AMPH: variants seen among roughly 807,000 people sequenced by gnomAD.
AMPH encodes the protein amphiphysin (Stiff-Mann syndrome with breast cancer 128kD autoantigen).
Under a neutral mutation model 99.1 loss-of-function variants are expected in AMPH, and 49 were observed. The observed-to-expected ratio is 0.49, with a 90% CI of 0.39 to 0.63. The LOEUF is 0.63. Ranked by LOEUF, AMPH falls within the 20% of genes least tolerant of loss-of-function variation. The pLI is 0.00. For synonymous variants in AMPH, 314 were observed against 317.3 expected (o/e 0.99, Z 0.11); for missense variants, 759 against 863.4 (o/e 0.88, Z 1.52).
At chr7:38,517,996 T>C (rs2129033101) in intron 2 of AMPH, among the ~76,000 whole-genome samples, 1 of 152,280 alleles carries the variant, frequency 6.6e-6, no homozygotes, top group Admixed American at 6.5e-5. Context: ...TGGGGCACCC[T>C]CCACCCTCCA....
At chr7:38,512,672 C>A (rs1181888438) in intron 2 of AMPH, among the ~76,000 whole-genome samples, 1 of 152,128 alleles carries the variant, frequency 6.6e-6, no homozygotes, top group Non-Finnish European at 1.5e-5. Context: ...ATTTCTTAAA[C>A]TGGGGACAGG....
chr7:38,545,619 C>T (rs978250177), intron 1 of AMPH, among the ~76,000 whole-genome samples: 6 of 152,138 alleles, frequency 3.9e-5, no homozygotes, highest in Non-Finnish European at 8.8e-5. Context: ...CTCACAAACA[C>T]ATCATAAATG....
chr7:38,568,142 G>C (rs1791812203), intron 1 of AMPH, among the ~76,000 whole-genome samples: 1 of 152,082 alleles, frequency 6.6e-6, no homozygotes, highest in Non-Finnish European at 1.5e-5. Context: ...TACTGTTGGG[G>C]TATTACGTGC....
chr7:38,492,357 C>T (rs190501183), intron 4 of AMPH, among the ~76,000 whole-genome samples: 3 of 152,280 alleles, frequency 2.0e-5, no homozygotes, highest in Admixed American at 6.5e-5. Flanking sequence ...TCACCTTGCC[C>T]GTGAAGGCAT....
intron 18 of AMPH, among the ~76,000 whole-genome samples, chr7:38,393,797 G>C (rs1395002371): frequency 6.6e-6 from 1 of 152,192 alleles, no homozygotes; most frequent in African/African-American, 2.4e-5. Context: ...CACAGGCCCT[G>C]AGGGCCTATA....
intron 3 of AMPH, among the ~76,000 whole-genome samples, chr7:38,499,254 C>T (rs953167677): frequency 7.9e-5 from 12 of 152,206 alleles, no homozygotes; most frequent in African/African-American, 2.9e-4. Flanking sequence ...TTCATCTCTG[C>T]ATCTCCCTCT....
chr7:38,406,608 C>A (rs897041965), intron 17 of AMPH, among the ~76,000 whole-genome samples: 5 of 151,856 alleles, frequency 3.3e-5, no homozygotes, highest in African/African-American at 7.3e-5. Flanking sequence ...GAGAGGAAGA[C>A]CCCTCCTCAA....
At chr7:38,474,100 G>A (rs1787994879) in intron 7 of AMPH, among the ~76,000 whole-genome samples, 1 of 152,004 alleles carries the variant, frequency 6.6e-6, no homozygotes, top group Middle Eastern at 3.2e-3. Context: ...GGGTTAGGGT[G>A]GGGACAGTGG....
chr7:38,564,992 C>T (rs180748651), intron 1 of AMPH, among the ~76,000 whole-genome samples: 4,048 of 151,676 alleles, frequency 0.027, 159 homozygotes, highest in African/African-American at 0.093. Context: ...GGCGTGGTGG[C>T]GGGTGCCTGT....
At chr7:38,630,575 T>C (rs1432071964) in intron 1 of AMPH, among the ~76,000 whole-genome samples, 3 of 152,204 alleles carry the variant, frequency 2.0e-5, no homozygotes, top group Non-Finnish European at 4.4e-5. Context: ...AAAGGAACTA[T>C]TAGGTTCAGG....
At chr7:38,619,989 A>G (rs1208494622) in intron 1 of AMPH, among the ~76,000 whole-genome samples, 3 of 152,170 alleles carry the variant, frequency 2.0e-5, no homozygotes, top group Non-Finnish European at 4.4e-5. Flanking sequence ...CTGTTCTTCA[A>G]CATCCTAGGA....
At chr7:38,614,561 C>T (rs1451135684) in intron 1 of AMPH, among the ~76,000 whole-genome samples, 1 of 152,166 alleles carries the variant, frequency 6.6e-6, no homozygotes, top group Non-Finnish European at 1.5e-5. Flanking sequence ...TGCATCCAGG[C>T]TTTGCTCTCA....
At chr7:38,407,048 C>CTCTCTCTATA (rs1241166935) in intron 17 of AMPH, among the ~76,000 whole-genome samples, 4 of 31,254 alleles carry the variant, frequency 1.3e-4, no homozygotes, top group South Asian at 1.2e-3. Context: ...CTCTCTCTCT[C>CTCTCTCTATA]TATATATATA....
At chr7:38,620,819 G>C (rs1299283620) in intron 1 of AMPH, among the ~76,000 whole-genome samples, 1 of 152,138 alleles carries the variant, frequency 6.6e-6, no homozygotes, top group Non-Finnish European at 1.5e-5. Flanking sequence ...ATGACAGATA[G>C]TTCAGAGGGC....
chr7:38,581,775 C>T (rs1287409170), intron 1 of AMPH, among the ~76,000 whole-genome samples: 12 of 152,014 alleles, frequency 7.9e-5, no homozygotes, highest in Admixed American at 7.9e-4. Flanking sequence ...TGCAGATGAG[C>T]TTGGCTGATG....
chr7:38,416,102 AATATAT>A lies in AMPH; in HGVS notation c.1398+1717_1398+1722del, dbSNP rs5883648. ...AGTTTAAACAATGATCAAACATATG[AATATAT>A]ATATATATATATATATATTAGCTAT... On this transcript the variant is annotated intron_variant, in intron 17 of 20. Coordinates refer to ENST00000356264, the MANE Select transcript of AMPH (RefSeq NM_001635.4). Among the ~76,000 whole-genome samples the A allele has an allele frequency of 9.9e-5, 10 of 100,504 alleles. No homozygotes were observed. The East Asian group carries it at 1.1e-3, about 11-fold the overall frequency. The allele number at this position is 100,504 out of a possible 152,430, so 65.9% of individuals were successfully genotyped here. A position where few individuals can be genotyped will look rare whatever the true frequency, so the allele number is the denominator to read the frequency against.
intron 11 of AMPH, among the ~76,000 whole-genome samples, chr7:38,453,285 T>C (rs1562765552): frequency 6.6e-6 from 1 of 152,162 alleles, no homozygotes; most frequent in Non-Finnish European, 1.5e-5. Context: ...GCCAGTGAGA[T>C]ATAAGAGGTA....
intron 1 of AMPH, among the ~76,000 whole-genome samples, chr7:38,601,317 C>T (rs942633019): frequency 6.6e-6 from 1 of 152,242 alleles, no homozygotes; most frequent in African/African-American, 2.4e-5. Flanking sequence ...TGTCTGACTA[C>T]ACTTCTTTCT....
intron 11 of AMPH, among the ~76,000 whole-genome samples, chr7:38,456,030 C>T (rs1584115277): frequency 6.6e-6 from 1 of 152,142 alleles, no homozygotes; most frequent in Admixed American, 6.5e-5. Context: ...TTAGAGGGGC[C>T]CCCACCTTCC....
Sources: allele counts gnomAD v4.1 joint callset (sites outside exome capture counted in the v4.1 genomes callset), GRCh38; gene constraint gnomAD v4.1.1; transcripts MANE v1.5; gene names NCBI Gene and HGNC (gene_info 2026-07-23, HGNC 2026-07-21).